The following PGM1 variants were observed in gnomAD, a reference collection of about 807,000 sequenced individuals.
PGM1 encodes the protein phosphoglucomutase-1.
Under a neutral mutation model 55.6 loss-of-function variants are expected in PGM1, and 52 were observed. The observed-to-expected ratio is 0.94, with a 90% CI of 0.75 to 1.18. PGM1 has a LOEUF of 1.18. Among genes scored for constraint, PGM1 ranks in the 50% most tolerant of loss-of-function variants. PGM1 has a pLI of 0.00. For missense variants in PGM1, 724 were observed against 729.3 expected, an observed-to-expected ratio of 0.99 and a Z score of 0.08; for synonymous variants, 287 against 271.7, an observed-to-expected ratio of 1.06 and a Z score of -0.55.
intron 9 of PGM1, among the ~76,000 whole-genome samples, 174 bp downstream of exon 9, chr1:63,652,026 G>A (rs1012387470): frequency 3.3e-5 from 5 of 152,128 alleles, no homozygotes; most frequent in Non-Finnish European, 5.9e-5. Flanking sequence ...ACATGCACTC[G>A]TTGGGACAGT....
At chr1:63,594,041 C>T (rs1647959932) in intron 1 of PGM1, 7 of 1,095,780 alleles carry the variant, frequency 6.4e-6, no homozygotes, top group Non-Finnish European at 7.7e-6. Flanking sequence ...TGCCTTCCCT[C>T]TCCCCGTCCC....
chr1:63,613,539 T>A (rs1375637411), intron 1 of PGM1, among the ~76,000 whole-genome samples: 1 of 151,960 alleles, frequency 6.6e-6, no homozygotes, highest in African/African-American at 2.4e-5. Flanking sequence ...TCCCTATGTA[T>A]CTCTTCTGTC....
At chr1:63,614,804 C>T (rs1433805775) in intron 1 of PGM1, among the ~76,000 whole-genome samples, 1 of 152,150 alleles carries the variant, frequency 6.6e-6, no homozygotes, top group African/African-American at 2.4e-5. Context: ...GAATAATAAG[C>T]CCCTATACAG....
At chr1:63,647,270 A>G (rs1290804988) in intron 7 of PGM1, among the ~76,000 whole-genome samples, 1 of 11,760 alleles carries the variant, frequency 8.5e-5, no homozygotes, top group Admixed American at 8.4e-4. Context: ...ATATATATAT[A>G]TATATATATA....
chr1:63,625,895 G>A (rs1649002855), intron 1 of PGM1, among the ~76,000 whole-genome samples: 1 of 152,164 alleles, frequency 6.6e-6, no homozygotes, highest in African/African-American at 2.4e-5. Context: ...TCTAAACTGA[G>A]AGGTAAGTTT....
At chr1:63,633,898 GT>G (rs2100986093) in intron 4 of PGM1, among the ~76,000 whole-genome samples, 1 of 48,080 alleles carries the variant, frequency 2.1e-5, no homozygotes, top group Non-Finnish European at 3.7e-5. Context: ...GTGTGTGTGT[GT>G]GTGTGTGTGT....
chr1:63,600,070 T>C (rs1648193211), intron 1 of PGM1: 1 of 152,148 alleles, frequency 6.6e-6, no homozygotes, highest in African/African-American at 2.4e-5. Flanking sequence ...AATTATGTCT[T>C]GAAGAGCGGA....
At chr1:63,647,672 C>T (rs542628586) in intron 7 of PGM1, among the ~76,000 whole-genome samples, 28 of 152,142 alleles carry the variant, frequency 1.8e-4, no homozygotes, top group Middle Eastern at 3.4e-3. Flanking sequence ...GTTATCCAAA[C>T]GCCATTTAAA....
intron 1 of PGM1, among the ~76,000 whole-genome samples, chr1:63,606,031 C>T (rs1648407752): frequency 6.6e-6 from 1 of 152,328 alleles, no homozygotes; most frequent in Admixed American, 6.5e-5. Context: ...AAACAAAAAA[C>T]AAAACTTCCC....
chr1:63,633,930 A>ATC (rs200244789), intron 4 of PGM1, among the ~76,000 whole-genome samples: 18 of 71,302 alleles, frequency 2.5e-4, no homozygotes, highest in Admixed American at 1.7e-3. Flanking sequence ...ATATATATAT[A>ATC]TATTTTTTTT....
intron 1 of PGM1, among the ~76,000 whole-genome samples, chr1:63,619,236 C>T (rs1648822474): frequency 6.6e-6 from 1 of 152,198 alleles, no homozygotes; most frequent in Non-Finnish European, 1.5e-5. Flanking sequence ...AGACACCTGG[C>T]CTCAGGCCTT....
intron 7 of PGM1, among the ~76,000 whole-genome samples, chr1:63,644,293 A>G (rs1048378927): frequency 6.6e-6 from 1 of 152,368 alleles, no homozygotes; most frequent in East Asian, 1.9e-4. Flanking sequence ...GACCCAGTGC[A>G]AAACCCACCA....
chr1:63,614,034 TATC>T (rs1648643459), intron 1 of PGM1, among the ~76,000 whole-genome samples: 1 of 152,204 alleles, frequency 6.6e-6, no homozygotes, highest in South Asian at 2.1e-4. Flanking sequence ...TCAGTTTCCT[TATC>T]AGTAAAATGG....
chr1:63,595,217 C>G (rs988569789), intron 1 of PGM1, among the ~76,000 whole-genome samples: 3 of 152,152 alleles, frequency 2.0e-5, no homozygotes, highest in Non-Finnish European at 2.9e-5. Flanking sequence ...CGCTTCATTT[C>G]TGGGTCTCAT....
In PGM1 at chr1:63,629,842, T is replaced by C. The variant is rs552391392; in HGVS notation, c.410-100T>C. 1.6e-5 allele frequency: 22 copies of C among 1,345,090 alleles called. No individual in the cohort carries two copies. In the East Asian group the frequency reaches 5.1e-4, roughly 31 times the overall value. 83.3% of individuals were successfully genotyped at this position (1,345,090 alleles called of 1,614,324 possible). A position where few individuals can be genotyped will look rare whatever the true frequency, so the allele number is the denominator to read the frequency against. On this transcript the variant is annotated intron_variant, in intron 2 of 10. Coordinates refer to ENST00000371084, the MANE Select transcript of PGM1 (RefSeq NM_002633.3). ...CTACTTTGCTGACTGAATGATGAAA[T>C]GGTAGATGTGCTAGTGAAGAGGAAC...
At position 63,633,912 on chromosome 1, in the gene PGM1, GTGTGTGTATATATA is replaced by G. The variant is rs1253970223; in HGVS notation, c.683-915_683-902del. ...TGTGTGTGTGTGTGTGTGTGTGTGT[GTGTGTGTATATATA>G]TATATATTTTTTTTTTTTTTTTTTT... On this transcript the variant is annotated intron_variant, in intron 4 of 10. Transcript: ENST00000371084. Among the ~76,000 whole-genome samples the G allele has an allele frequency of 1.4e-3, 49 of 34,258 alleles. 3 individuals are homozygous for G. The highest frequency in any genetic ancestry group is 0.012 in the African/African-American group (48 of 4,096). The allele number at this position is 34,258 out of a possible 152,430, so 22.5% of individuals were successfully genotyped here.
intron 1 of PGM1, among the ~76,000 whole-genome samples, chr1:63,598,383 A>G (rs965960138): frequency 6.6e-6 from 1 of 152,226 alleles, no homozygotes; most frequent in African/African-American, 2.4e-5. Flanking sequence ...GATTTGTGAT[A>G]TATCAAGATA....
intron 6 of PGM1, 74 bp downstream of exon 6, chr1:63,636,462 G>A: frequency 7.1e-7 from 1 of 1,416,668 alleles, no homozygotes; most frequent in Non-Finnish European, 1.0e-6. Flanking sequence ...ACTGTGCCTG[G>A]AACACGTGTC....
At chr1:63,629,788 A>G (rs149707724) in intron 2 of PGM1, among the ~76,000 whole-genome samples, 154 bp from the exon 3 acceptor site, 5 of 152,222 alleles carry the variant, frequency 3.3e-5, no homozygotes, top group African/African-American at 1.2e-4. Context: ...ATCTTCCTTA[A>G]CATGATATTT....
Sources: allele counts gnomAD v4.1 joint callset (sites outside exome capture counted in the v4.1 genomes callset), GRCh38; gene constraint gnomAD v4.1.1; transcripts MANE v1.5; gene names NCBI Gene and HGNC (gene_info 2026-07-23, HGNC 2026-07-21).